Variants in CATSPERE observed in about 807,000 individuals in gnomAD.
The protein encoded by CATSPERE is catsper channel auxiliary subunit epsilon.
Under a neutral mutation model 114.1 loss-of-function variants are expected in CATSPERE, and 93 were observed. The observed-to-expected ratio is 0.81, with a 90% confidence interval of 0.69 to 0.97. The LOEUF (loss-of-function observed/expected upper bound fraction) is 0.97. Among genes scored for constraint, CATSPERE ranks in the 50% least tolerant of loss-of-function variants. The pLI is 0.00. For synonymous variants in CATSPERE, 341 were observed against 384.1 expected, an observed-to-expected ratio of 0.89 and a Z score of 1.31; for missense variants, 1,058 against 1,131.6, an observed-to-expected ratio of 0.93 and a Z score of 0.93.
chr1:244,547,621 A>G (rs1164095370), intron 8 of CATSPERE, among the ~76,000 whole-genome samples: 1 of 152,222 alleles, frequency 6.6e-6, no homozygotes, highest in Non-Finnish European at 1.5e-5. Context: ...AAAATAACCT[A>G]TTATAACTAT....
At chr1:244,532,138 T>C (rs923172068) in intron 8 of CATSPERE, among the ~76,000 whole-genome samples, 3 of 152,222 alleles carry the variant, frequency 2.0e-5, no homozygotes, top group Non-Finnish European at 4.4e-5. Flanking sequence ...TAGCCTCTAA[T>C]GATCCTTTGA....
intron 20 of CATSPERE, among the ~76,000 whole-genome samples, chr1:244,621,017 A>T (rs1196981710): frequency 8.8e-6 from 1 of 113,900 alleles, no homozygotes; most frequent in Non-Finnish European, 1.6e-5. Flanking sequence ...TATATATATA[A>T]AATATATATA....
intron 7 of CATSPERE, among the ~76,000 whole-genome samples, chr1:244,501,680 G>A (rs1248189179): frequency 2.0e-5 from 3 of 152,290 alleles, no homozygotes; most frequent in African/African-American, 7.2e-5. Flanking sequence ...ATCATTTTAA[G>A]TAAATATGCA....
rs1231431822 is a variant in CATSPERE, at chr1:244,504,495, GT to G, written c.429+5418del. Among the ~76,000 whole-genome samples the G allele has an allele frequency of 3.3e-5, 5 of 152,082 alleles. No individual in the cohort carries two copies. Among genetic ancestry groups the G allele is most frequent in the Admixed American group, 1.3e-4 (2 of 15,264 alleles). On this transcript the variant is annotated intron_variant, in intron 7 of 21. Coordinates refer to ENST00000366534, the MANE Select transcript of CATSPERE (RefSeq NM_001130957.2). This position sits in a 1 kb window ranked among gnomAD's most constrained non-coding sequence, Gnocchi z 4.1. ...TTTTATTCACATTTCCTCAGCTAAT[GT>G]TCATTTTGTATTCCAGAATCCCACC...
Position 244,640,186 on chromosome 1 carries a change from C to A in CATSPERE, c.*105C>A. 1.5e-6 allele frequency: 1 copy of A among 678,434 alleles called. No individual in the cohort carries two copies. Among genetic ancestry groups the A allele is most frequent in the Non-Finnish European group, 2.2e-6 (1 of 452,232 alleles). The allele number at this position is 678,434 out of a possible 1,614,324, so 42.0% of individuals were successfully genotyped here. A position where few individuals can be genotyped will look rare whatever the true frequency, so the allele number is the denominator to read the frequency against. On this transcript the variant is annotated 3_prime_UTR_variant, in exon 22 of 22. Coordinates refer to ENST00000366534, the MANE Select transcript of CATSPERE (RefSeq NM_001130957.2). ...TTGACCAAGAAATACTAAATATAAG[C>A]TCGTAGTAGGCATCACCAAATTCAA...
At chr1:244,638,747 A>G (rs1344045905) in intron 21 of CATSPERE, among the ~76,000 whole-genome samples, 1 of 152,208 alleles carries the variant, frequency 6.6e-6, no homozygotes, top group East Asian at 1.9e-4. Flanking sequence ...TGGAAGGAAG[A>G]TAACCTTTAT....
At position 244,607,265 on chromosome 1, in the gene CATSPERE, A is replaced by T. The variant is rs1670130109; in HGVS notation, c.2403+1471A>T. ...TAGTATCATTGCTGCACTTGGTCTTAGCCAAAAGGCCACTAAGAGATACAG... is the reference window on the plus strand; with the variant it reads ...TAGTATCATTGCTGCACTTGGTCTTTGCCAAAAGGCCACTAAGAGATACAG... On this transcript the variant is annotated intron_variant, in intron 18 of 21. Transcript: ENST00000366534. The surrounding 1 kb of genome is among the most constrained non-coding windows in gnomAD (Gnocchi z 4.4). Among the ~76,000 whole-genome samples, 1 of 152,208 alleles carries T rather than the reference A, an allele frequency of 6.6e-6. No homozygotes were observed. Among genetic ancestry groups the T allele is most frequent in the Non-Finnish European group, 1.5e-5 (1 of 68,034 alleles).
chr1:244,554,471 C>T (rs1364326432), intron 9 of CATSPERE, among the ~76,000 whole-genome samples: 2 of 152,112 alleles, frequency 1.3e-5, no homozygotes, highest in African/African-American at 4.8e-5. Context: ...TAGAGACCAG[C>T]CTGGGCAACA....
At chr1:244,612,532 T>G (rs1670876594) in intron 19 of CATSPERE, among the ~76,000 whole-genome samples, 1 of 152,172 alleles carries the variant, frequency 6.6e-6, no homozygotes, top group African/African-American at 2.4e-5. Flanking sequence ...AGGGAGAATA[T>G]GGGTGCTGAG....
At chr1:244,538,890 T>G (rs903203737) in intron 8 of CATSPERE, among the ~76,000 whole-genome samples, 3 of 152,106 alleles carry the variant, frequency 2.0e-5, no homozygotes, top group African/African-American at 7.2e-5. Flanking sequence ...CACGTGATAT[T>G]AGTAATGCCT....
rs1675173308 is a variant in CATSPERE, at chr1:244,640,056, C to A, written c.2831C>A (p.Pro944His). 6.5e-7 allele frequency: 1 copy of A among 1,548,792 alleles called. No homozygotes were observed. ...TATATTTATGAACCACTTCACAAAC[C>A]TCAAAGAAAACGTAAGAAGAATTAG... is the stretch of plus-strand genomic sequence containing the variant. ...RRYIYEPLHK[P>H]QRKRKKN Residue 944 changes from proline (P) to histidine (H), a missense_variant, in exon 22 of 22, where the codon CCT (proline) becomes CAT (histidine). Around this residue, in one of 2 missense-constraint regions of CATSPERE, gnomAD observed 787 missense variants for 905.6 expected, o/e 0.87. Coordinates refer to ENST00000366534, the MANE Select transcript of CATSPERE (RefSeq NM_001130957.2).
At chr1:244,596,069 C>T (rs940868254) in intron 17 of CATSPERE, among the ~76,000 whole-genome samples, 1 of 152,192 alleles carries the variant, frequency 6.6e-6, no homozygotes, top group Non-Finnish European at 1.5e-5. Context: ...AGGAGATCAG[C>T]AGGACTTGTT....
intron 15 of CATSPERE, among the ~76,000 whole-genome samples, chr1:244,592,994 T>C (rs201429600): frequency 4.6e-4 from 12 of 25,870 alleles, no homozygotes; most frequent in African/African-American, 7.7e-4. Context: ...AGGAAACATC[T>C]GAAGTTTTAA....
intron 8 of CATSPERE, among the ~76,000 whole-genome samples, chr1:244,520,945 G>A (rs1295211474): frequency 6.6e-6 from 1 of 152,208 alleles, no homozygotes; most frequent in South Asian, 2.1e-4. Context: ...TAAACAGTGA[G>A]ATGAAGTTAT....
upstream of CATSPERE, among the ~76,000 whole-genome samples, chr1:244,453,485 C>A (rs142498491): frequency 4.6e-5 from 7 of 152,326 alleles, no homozygotes; most frequent in Non-Finnish European, 7.3e-5. Flanking sequence ...ACAAGGTGAA[C>A]CCCTTGGGCG....
chr1:244,559,365 C>T (rs1662192484), intron 9 of CATSPERE, among the ~76,000 whole-genome samples: 2 of 152,088 alleles, frequency 1.3e-5, no homozygotes, highest in African/African-American at 2.4e-5. Flanking sequence ...TGATATCTGC[C>T]GACCTCCTGT....
chr1:244,463,087 A>G (rs1010462960), intron 1 of CATSPERE, among the ~76,000 whole-genome samples: 7 of 152,210 alleles, frequency 4.6e-5, no homozygotes, highest in Non-Finnish European at 8.8e-5. Context: ...CTTAGTCTGA[A>G]AAAAGAATGT....
intron 8 of CATSPERE, among the ~76,000 whole-genome samples, chr1:244,526,402 G>GT: frequency 6.7e-6 from 1 of 148,468 alleles, no homozygotes. Flanking sequence ...ATGAGACCCT[G>GT]TATCAAAAAG....
intron 18 of CATSPERE, 78 bp downstream of exon 18, chr1:244,605,872 G>A (rs1313814133): frequency 7.1e-6 from 7 of 992,838 alleles, no homozygotes; most frequent in Admixed American, 4.9e-5. Flanking sequence ...ATAAATAAGC[G>A]ATCTAAGGAA....
Sources: allele counts gnomAD v4.1 joint callset (sites outside exome capture counted in the v4.1 genomes callset), GRCh38; gene constraint gnomAD v4.1.1; regional missense constraint gnomAD v4.1.1; non-coding constraint Gnocchi (gnomAD v3.1); transcripts MANE v1.5; gene names NCBI Gene and HGNC (gene_info 2026-07-23, HGNC 2026-07-21).